The following NSL1 variants were observed in gnomAD, a reference collection of about 807,000 sequenced individuals.
NSL1 encodes NSL1 component of MIS12 kinetochore complex.
NSL1 carries 11 observed loss-of-function variants against 25.4 expected under a neutral mutation model. That is an observed-to-expected ratio of 0.43 (90% CI 0.27 to 0.72). The LOEUF is 0.72. Ranked by LOEUF, NSL1 falls within the 30% of genes least tolerant of loss-of-function variation. The pLI is 0.19. For missense variants in NSL1, 330 were observed against 342.7 expected, an observed-to-expected ratio of 0.96 and a Z score of 0.29; for synonymous variants, 118 against 120.6, an observed-to-expected ratio of 0.98 and a Z score of 0.14.
At chr1:212,747,624 C>T (rs1463854229) in intron 4 of NSL1, among the ~76,000 whole-genome samples, 1 of 152,176 alleles carries the variant, frequency 6.6e-6, no homozygotes, top group African/African-American at 2.4e-5. Flanking sequence ...AGAGATAACA[C>T]ATTTATTGTT....
chr1:212,786,061 CCATT>C (rs1291018891), intron 2 of NSL1, among the ~76,000 whole-genome samples: 1 of 151,168 alleles, frequency 6.6e-6, no homozygotes, highest in Non-Finnish European at 1.5e-5. Context: ...CCTTTCCTTC[CCATT>C]CATTCTCCCT....
At position 212,729,849 on chromosome 1, in the gene NSL1, T is replaced by TG; in HGVS notation, c.*8558dup. 1.0e-6 allele frequency: 1 copy of TG among 985,222 alleles called. No individual in the cohort carries two copies. The highest frequency in any genetic ancestry group is 1.2e-6 in the Non-Finnish European group (1 of 829,888). The allele number at this position is 985,222 out of a possible 1,614,324, so 61.0% of individuals were successfully genotyped here. A position where few individuals can be genotyped will look rare whatever the true frequency, so the allele number is the denominator to read the frequency against. ...TGGTGCTGCAAAGGGCAGTGATGTG[T>TG]GGACGAAGGGGTTGCTGGGGTGACC... On this transcript the variant is annotated 3_prime_UTR_variant, in exon 6 of 6. Coordinates refer to ENST00000366977, the MANE Select transcript of NSL1 (RefSeq NM_015471.4).
At position 212,730,721 on chromosome 1, in the gene NSL1, T is replaced by A. The variant is rs540267278; in HGVS notation, c.*7687A>T. On this transcript the variant is annotated 3_prime_UTR_variant, in exon 6 of 6. Transcript: ENST00000366977. ...TCTGCTCTTATGTCCTGCAGGGATATGGGAATTAGACTTAGTTCTAGTAGA... is the reference window on the plus strand; with the variant it reads ...TCTGCTCTTATGTCCTGCAGGGATAAGGGAATTAGACTTAGTTCTAGTAGA... The A allele has an allele frequency of 1.0e-6, 1 of 985,318 alleles. No individual in the cohort carries two copies. The highest frequency in any genetic ancestry group is 1.2e-6 in the Non-Finnish European group (1 of 829,930). 61.0% of individuals were successfully genotyped at this position (985,318 alleles called of 1,614,324 possible).
At chr1:212,756,997 A>G (rs867333122) in intron 4 of NSL1, among the ~76,000 whole-genome samples, 14 of 152,236 alleles carry the variant, frequency 9.2e-5, no homozygotes, top group Admixed American at 2.0e-4. Context: ...CAAGGGAGTC[A>G]TAAGAGAATC....
intron 4 of NSL1, among the ~76,000 whole-genome samples, chr1:212,755,952 T>C (rs2102448330): frequency 6.6e-6 from 1 of 152,302 alleles, no homozygotes; most frequent in South Asian, 2.1e-4. Flanking sequence ...GAATAAATTT[T>C]CTGTAAATTA....
chr1:212,779,091 G>A lies in NSL1; in HGVS notation c.499+3281C>T, dbSNP rs565256961. On this transcript the variant is annotated intron_variant, in intron 4 of 5. Coordinates refer to ENST00000366977, the MANE Select transcript of NSL1 (RefSeq NM_015471.4). The stretch of plus-strand genomic sequence containing the variant: ...AAGTGAGGAGCGTCTCTGCCCGGCC[G>A]CCCCGTCTGAGAAGTGAGGAGACCC... Among the ~76,000 whole-genome samples, 5 of 148,802 alleles carry A rather than the reference G, an allele frequency of 3.4e-5. No individual in the cohort carries two copies. In the East Asian group the frequency reaches 6.1e-4, roughly 18 times the overall value.
chr1:212,757,958 ATG>A (rs1327993453), intron 4 of NSL1, among the ~76,000 whole-genome samples: 1 of 152,198 alleles, frequency 6.6e-6, no homozygotes, highest in East Asian at 1.9e-4. Flanking sequence ...GGATCTACTG[ATG>A]GACTGAGGAT....
intron 4 of NSL1, among the ~76,000 whole-genome samples, chr1:212,753,786 C>T (rs1659173561): frequency 6.6e-6 from 1 of 151,966 alleles, no homozygotes; most frequent in Non-Finnish European, 1.5e-5. Flanking sequence ...AGAGCATAAA[C>T]AAGAAAATAA....
chr1:212,732,147 T>C lies in NSL1; in HGVS notation c.*6261A>G, dbSNP rs1207239669. The C allele has an allele frequency of 2.0e-6, 2 of 984,930 alleles. No individual in the cohort carries two copies. Among genetic ancestry groups the C allele is most frequent in the African/African-American group, 3.5e-5 (2 of 57,222 alleles). The allele number at this position is 984,930 out of a possible 1,614,324, so 61.0% of individuals were successfully genotyped here. A position where few individuals can be genotyped will look rare whatever the true frequency, so the allele number is the denominator to read the frequency against. ...GATTACATTTCTTTTTTTGTACAGCTTTCTGCCTCTACTGTAGTGAATAAC... is the reference window on the plus strand; with the variant it reads ...GATTACATTTCTTTTTTTGTACAGCCTTCTGCCTCTACTGTAGTGAATAAC... On this transcript the variant is annotated 3_prime_UTR_variant, in exon 6 of 6. Transcript: ENST00000366977.
chr1:212,727,776 TTGC>T lies in NSL1; in HGVS notation c.*10629_*10631del, dbSNP rs1219629228. The T allele has an allele frequency of 5.1e-6, 5 of 984,164 alleles. No individual in the cohort carries two copies. Among genetic ancestry groups the T allele is most frequent in the Non-Finnish European group, 6.0e-6 (5 of 828,894 alleles). The allele number at this position is 984,164 out of a possible 1,614,324, so 61.0% of individuals were successfully genotyped here. On this transcript the variant is annotated 3_prime_UTR_variant, in exon 6 of 6. Coordinates refer to ENST00000366977, the MANE Select transcript of NSL1 (RefSeq NM_015471.4). ...TATTTAACCTCATTAAGATAATAAA[TTGC>T]TTTAAACAACTTTGAGCACTTTCTT... is the stretch of plus-strand genomic sequence containing the variant.
intron 4 of NSL1, among the ~76,000 whole-genome samples, chr1:212,752,313 A>C (rs1309229000): frequency 6.6e-6 from 1 of 152,186 alleles, no homozygotes; most frequent in African/African-American, 2.4e-5. Context: ...ACTCAGACTT[A>C]CATGAATTTT....
Position 212,739,581 on chromosome 1 carries a change from T to G in NSL1, c.520A>C (p.Lys174Gln). 6.2e-7 allele frequency: 1 copy of G among 1,613,630 alleles called. No individual in the cohort carries two copies. The highest frequency in any genetic ancestry group is 8.5e-7 in the Non-Finnish European group (1 of 1,179,738). Reference sequence around the variant, plus strand: ...TTTGCTACTGTTTCCCCTCTGCATTTCAAATTTTCCATATGAGGGGCTGCA... The same window carrying G: ...TTTGCTACTGTTTCCCCTCTGCATTGCAAATTTTCCATATGAGGGGCTGCA... Reference protein sequence around the residue: ...PDPAPHMENLKCRGETVAKEI... With the variant: ...PDPAPHMENLQCRGETVAKEI... Residue 174 changes from lysine (K) to glutamine (Q), a missense_variant, in exon 5 of 6, where the codon AAA becomes CAA. Coordinates refer to ENST00000366977, the MANE Select transcript of NSL1 (RefSeq NM_015471.4).
rs34327678 is a variant in NSL1, at chr1:212,738,024, CTTT to C, written c.*381_*383del. Reference sequence around the variant, plus strand: ...GAAAAATCATTATACAGCTCTCTCTCTTTTTTTTTTTTTTCCTAGAAAGATGTA... The same window carrying C: ...GAAAAATCATTATACAGCTCTCTCTCTTTTTTTTTTTCCTAGAAAGATGTA... On this transcript the variant is annotated 3_prime_UTR_variant, in exon 6 of 6. Coordinates refer to ENST00000366977, the MANE Select transcript of NSL1 (RefSeq NM_015471.4). 187 of 882,634 alleles carry C rather than the reference CTTT, an allele frequency of 2.1e-4. No homozygotes were observed. Among genetic ancestry groups the C allele is most frequent in the South Asian group, 4.6e-4 (9 of 19,524 alleles). 54.7% of individuals were successfully genotyped at this position (882,634 alleles called of 1,614,324 possible).
In NSL1 at chr1:212,736,342, T is replaced by C; in HGVS notation, c.*2066A>G. The C allele has an allele frequency of 3.0e-6, 3 of 985,314 alleles. No homozygotes were observed. The highest frequency in any genetic ancestry group is 3.6e-6 in the Non-Finnish European group (3 of 829,806). 61.0% of individuals were successfully genotyped at this position (985,314 alleles called of 1,614,324 possible). A position where few individuals can be genotyped will look rare whatever the true frequency, so the allele number is the denominator to read the frequency against. On this transcript the variant is annotated 3_prime_UTR_variant, in exon 6 of 6. Transcript: ENST00000366977. ...GCCTGGCTATTTCTTTTCTGAAAGA[T>C]AATTTTAAGACCCTATTCAATCCAG...
At chr1:212,764,984 G>A (rs1198112804) in intron 4 of NSL1, among the ~76,000 whole-genome samples, 1 of 150,042 alleles carries the variant, frequency 6.7e-6, no homozygotes, top group African/African-American at 2.5e-5. Flanking sequence ...ACAAAATCTA[G>A]AGGAGGTAGA....
chr1:212,764,717 G>A (rs931706380), intron 4 of NSL1, among the ~76,000 whole-genome samples: 6 of 151,578 alleles, frequency 4.0e-5, no homozygotes, highest in Non-Finnish European at 5.9e-5. Context: ...ATGGTGGCAG[G>A]CGCCTGTAAT....
chr1:212,771,526 G>C (rs1457049947), intron 4 of NSL1, among the ~76,000 whole-genome samples: 1 of 146,990 alleles, frequency 6.8e-6, no homozygotes, highest in Admixed American at 7.0e-5. Flanking sequence ...GAAACAGAAG[G>C]CTTCCAAACT....
At chr1:212,744,575 C>T (rs1283644124) in intron 4 of NSL1, among the ~76,000 whole-genome samples, 1 of 152,158 alleles carries the variant, frequency 6.6e-6, no homozygotes, top group South Asian at 2.1e-4. Flanking sequence ...TAGATAAAGA[C>T]TTTCCATCAA....
intron 4 of NSL1, among the ~76,000 whole-genome samples, chr1:212,752,620 A>G (rs184116893): frequency 2.0e-5 from 3 of 152,366 alleles, no homozygotes; most frequent in Admixed American, 2.0e-4. Flanking sequence ...AAGGTTGTAA[A>G]TGTCAAATGA....
Sources: allele counts gnomAD v4.1 joint callset (sites outside exome capture counted in the v4.1 genomes callset), GRCh38; gene constraint gnomAD v4.1.1; transcripts MANE v1.5; gene names NCBI Gene and HGNC (gene_info 2026-07-23, HGNC 2026-07-21).